The following GRIK2 variants were observed in gnomAD, a reference collection of about 807,000 sequenced individuals.
GRIK2 encodes the protein glutamate ionotropic receptor kainate type subunit 2.
A neutral mutation model predicts 100.3 loss-of-function variants in GRIK2; 32 were observed. The ratio of observed to expected loss-of-function variants is 0.32; its 90% CI spans 0.24 to 0.43. The LOEUF is 0.43. Among genes scored for constraint, GRIK2 ranks in the 20% least tolerant of loss-of-function variants. The pLI, the probability that GRIK2 is intolerant of heterozygous loss-of-function variation, is 1.00. For synonymous variants in GRIK2, 417 were observed against 389.4 expected, an observed-to-expected ratio of 1.07 and a Z score of -0.83; for missense variants, 843 against 1,114.9, an observed-to-expected ratio of 0.76 and a Z score of 3.47.
chr6:101,954,475 A>T (rs1791791264), intron 14 of GRIK2, among the ~76,000 whole-genome samples: 1 of 152,090 alleles, frequency 6.6e-6, no homozygotes, highest in South Asian at 2.1e-4. Flanking sequence ...ATACTATTAT[A>T]AATATAACAA....
chr6:101,747,707 ATCAT>A (rs1278883310), intron 7 of GRIK2, among the ~76,000 whole-genome samples: 1 of 152,194 alleles, frequency 6.6e-6, no homozygotes, highest in African/African-American at 2.4e-5. Context: ...TGGTAGATGC[ATCAT>A]TCATTGTTAT....
At chr6:101,471,164 G>A (rs1243915341) in intron 2 of GRIK2, among the ~76,000 whole-genome samples, 1 of 151,906 alleles carries the variant, frequency 6.6e-6, no homozygotes, top group East Asian at 1.9e-4. Flanking sequence ...TTCAAATCTA[G>A]GCTCTTTTCA....
At chr6:102,046,529 G>T (rs1174443161) in intron 15 of GRIK2, among the ~76,000 whole-genome samples, 1 of 152,068 alleles carries the variant, frequency 6.6e-6, no homozygotes, top group Non-Finnish European at 1.5e-5. Flanking sequence ...TGTGAAGAAG[G>T]TCCTTGCTTC....
chr6:101,796,293 T>A (rs1330268196), intron 7 of GRIK2, among the ~76,000 whole-genome samples: 1 of 152,174 alleles, frequency 6.6e-6, no homozygotes, highest in Non-Finnish European at 1.5e-5. Flanking sequence ...ACACAGATAT[T>A]GAATGAATGT....
intron 14 of GRIK2, among the ~76,000 whole-genome samples, chr6:102,021,905 C>A (rs1769440149): frequency 6.7e-6 from 1 of 150,280 alleles, no homozygotes; most frequent in Non-Finnish European, 1.5e-5. Flanking sequence ...GTAGCGTAGA[C>A]CTTTCTTCAC....
At chr6:101,972,652 G>C (rs1793122190) in intron 14 of GRIK2, among the ~76,000 whole-genome samples, 1 of 151,734 alleles carries the variant, frequency 6.6e-6, no homozygotes, top group Non-Finnish European at 1.5e-5. Flanking sequence ...ATGTCAAGAA[G>C]AGTATTTCCT....
intron 2 of GRIK2, among the ~76,000 whole-genome samples, chr6:101,581,394 G>A (rs966334502): frequency 6.6e-6 from 1 of 152,006 alleles, no homozygotes; most frequent in African/African-American, 2.4e-5. Flanking sequence ...GCAAGCTGAG[G>A]AGCAAGGAAT....
intron 2 of GRIK2, among the ~76,000 whole-genome samples, chr6:101,533,658 T>G (rs1005530229): frequency 6.6e-6 from 1 of 151,942 alleles, no homozygotes; most frequent in Non-Finnish European, 1.5e-5. Flanking sequence ...ACACCTTCCA[T>G]GCTGACAATG....
chr6:101,820,098 G>T (rs1781864926), intron 10 of GRIK2, among the ~76,000 whole-genome samples: 2 of 152,074 alleles, frequency 1.3e-5, no homozygotes, highest in South Asian at 4.1e-4. Flanking sequence ...ATAGTTTTGT[G>T]AATGCTCTTC....
intron 2 of GRIK2, among the ~76,000 whole-genome samples, chr6:101,547,472 C>T (rs1353426557): frequency 1.3e-5 from 2 of 152,268 alleles, no homozygotes; most frequent in East Asian, 3.9e-4. Flanking sequence ...TTCCCCACTC[C>T]CCCTACCCCA....
At chr6:101,640,980 A>G (rs1004500098) in intron 4 of GRIK2, among the ~76,000 whole-genome samples, 2 of 152,146 alleles carry the variant, frequency 1.3e-5, no homozygotes, top group South Asian at 2.1e-4. Flanking sequence ...AAAATTATTA[A>G]TCACTTCTTA....
chr6:101,934,726 G>T (rs992715383), intron 14 of GRIK2, among the ~76,000 whole-genome samples: 1 of 151,898 alleles, frequency 6.6e-6, no homozygotes, highest in Admixed American at 6.6e-5. Flanking sequence ...TAGAGCAATG[G>T]TGGTAATATA....
chr6:101,595,669 CAT>C (rs566191075), intron 2 of GRIK2, among the ~76,000 whole-genome samples: 98 of 147,718 alleles, frequency 6.6e-4, no homozygotes, highest in Non-Finnish European at 1.1e-3. Context: ...TTTATATACA[CAT>C]AAATATATTT....
intron 2 of GRIK2, among the ~76,000 whole-genome samples, chr6:101,473,026 T>C (rs1772031225): frequency 6.6e-6 from 1 of 151,668 alleles, no homozygotes; most frequent in Non-Finnish European, 1.5e-5. Flanking sequence ...ATTTCTTATG[T>C]TGTAAGAAAT....
intron 2 of GRIK2, among the ~76,000 whole-genome samples, chr6:101,614,986 T>A (rs1350985604): frequency 6.6e-6 from 1 of 151,710 alleles, no homozygotes; most frequent in Admixed American, 6.6e-5. Flanking sequence ...AAGTCTTAAG[T>A]AGTGAAGTTC....
At chr6:101,962,972 C>G (rs934651200) in intron 14 of GRIK2, among the ~76,000 whole-genome samples, 3 of 150,458 alleles carry the variant, frequency 2.0e-5, no homozygotes. Context: ...ATAAAACAGG[C>G]AGTTGAATTT....
chr6:101,988,797 C>A (rs933618295), intron 14 of GRIK2, among the ~76,000 whole-genome samples: 2 of 151,770 alleles, frequency 1.3e-5, no homozygotes, highest in East Asian at 3.9e-4. Flanking sequence ...TGAATAAAAT[C>A]AAATAGTTAA....
At chr6:101,790,224 C>A (rs1779743856) in intron 7 of GRIK2, among the ~76,000 whole-genome samples, 1 of 151,666 alleles carries the variant, frequency 6.6e-6, no homozygotes, top group South Asian at 2.1e-4. Context: ...ATTGCCCTGG[C>A]CAGACCTTCC....
chr6:101,686,255 G>A lies in GRIK2; in HGVS notation c.853G>A (p.Glu285Lys), dbSNP rs551195112. 1 of 1,612,950 alleles carries A rather than the reference G, an allele frequency of 6.2e-7. No homozygotes were observed. The highest frequency in any genetic ancestry group is 1.3e-5 in the African/African-American group (1 of 74,970). ...GACAGGGTTCAGAATATTAAATACA[G>A]AAAATACCCAAGTCTCCTCCATCAT... ...NMTGFRILNT[E>K]NTQVSSIIEK... The change falls in exon 7 of 17, where the codon GAA becomes AAA. Residue 285 changes from glutamate (E) to lysine (K), a missense_variant. Transcript: ENST00000369134.
Sources: allele counts gnomAD v4.1 joint callset (sites outside exome capture counted in the v4.1 genomes callset), GRCh38; gene constraint gnomAD v4.1.1; transcripts MANE v1.5; gene names NCBI Gene and HGNC (gene_info 2026-07-23, HGNC 2026-07-21).